The following POLR1D variants were observed in gnomAD, a reference collection of about 807,000 sequenced individuals.
POLR1D encodes the protein RNA polymerase I and III subunit D, also known as DNA-directed RNA polymerases I and III subunit RPAC2.
POLR1D carries 8 observed loss-of-function variants against 10.8 expected under a neutral mutation model. That is an observed-to-expected ratio of 0.74 (90% CI 0.43 to 1.33). POLR1D has a LOEUF of 1.33. Ranked by LOEUF, POLR1D falls within the 40% of genes most tolerant of loss-of-function variation. The pLI, the probability that POLR1D is intolerant of heterozygous loss-of-function variation, is 0.01. For synonymous variants in POLR1D, 54 were observed against 57.2 expected (o/e 0.94, Z 0.25); for missense variants, 152 against 161.7 (o/e 0.94, Z 0.32).
intron 1 of POLR1D, among the ~76,000 whole-genome samples, chr13:27,646,673 C>G (rs1956223408): frequency 6.6e-6 from 1 of 152,054 alleles, no homozygotes; most frequent in Admixed American, 6.5e-5. Flanking sequence ...AAATGAGTTA[C>G]ACAAAAATAA....
intron 1 of POLR1D, among the ~76,000 whole-genome samples, chr13:27,630,761 A>G (rs1472793595): frequency 1.3e-5 from 2 of 152,218 alleles, no homozygotes; most frequent in Non-Finnish European, 2.9e-5. Context: ...ATTGATATAT[A>G]TGGTTGTTGT....
chr13:27,648,142 A>G, intron 1 of POLR1D: 1 of 386,210 alleles, frequency 2.6e-6, no homozygotes, highest in Non-Finnish European at 4.8e-6. Flanking sequence ...TAACTGTCTC[A>G]TATCAAAAAT....
chr13:27,654,237 A>G (rs1956290178), intron 2 of POLR1D, among the ~76,000 whole-genome samples: 1 of 152,210 alleles, frequency 6.6e-6, no homozygotes, highest in African/African-American at 2.4e-5. Flanking sequence ...TTCCTATCCT[A>G]TTACAGTAAA....
intron 1 of POLR1D, among the ~76,000 whole-genome samples, chr13:27,638,652 C>G (rs76120207): frequency 1.3e-5 from 2 of 152,158 alleles, no homozygotes; most frequent in Non-Finnish European, 1.5e-5. Flanking sequence ...GTAGCCTTGA[C>G]ACGCTGAAGA....
In POLR1D at chr13:27,621,963, G is replaced by T. The variant is rs2232680; in HGVS notation, c.-21G>T. On this transcript the variant is annotated 5_prime_UTR_variant, in exon 1 of 2. Coordinates refer to ENST00000302979, the MANE Select transcript of POLR1D (RefSeq NM_015972.4). Reference sequence around the variant, plus strand: ...CCCCGATCCGCCAGCACCACCTGAGGATCCAGAAACCGCCCCAGCGATGGA... The same window carrying T: ...CCCCGATCCGCCAGCACCACCTGAGTATCCAGAAACCGCCCCAGCGATGGA... 2 of 1,590,206 alleles carry T rather than the reference G, an allele frequency of 1.3e-6. No individual in the cohort carries two copies. The highest frequency in any genetic ancestry group is 2.3e-5 in the South Asian group (2 of 87,448).
chr13:27,636,916 T>C (rs1473979498), intron 1 of POLR1D, among the ~76,000 whole-genome samples: 1 of 152,044 alleles, frequency 6.6e-6, no homozygotes, highest in Non-Finnish European at 1.5e-5. Context: ...ACTTAAAGTA[T>C]AGTTTTAATT....
chr13:27,652,562 C>T (rs1254694903), intron 2 of POLR1D, among the ~76,000 whole-genome samples: 3 of 152,284 alleles, frequency 2.0e-5, no homozygotes, highest in African/African-American at 7.2e-5. Flanking sequence ...GGAAGGCACA[C>T]CCCTTTCCTT....
At chr13:27,661,435 C>T (rs917059285) in intron 2 of POLR1D, among the ~76,000 whole-genome samples, 10 of 152,162 alleles carry the variant, frequency 6.6e-5, no homozygotes, top group Admixed American at 1.3e-4. Flanking sequence ...GTGAGAAAGT[C>T]GCCCCCCAGG....
chr13:27,632,647 C>CT (rs397710306), intron 1 of POLR1D, among the ~76,000 whole-genome samples: 1 of 150,766 alleles, frequency 6.6e-6, no homozygotes, highest in Non-Finnish European at 1.5e-5. Flanking sequence ...CAGCACCCCC[C>CT]GCCCCCCAGC....
chr13:27,655,945 A>G (rs1368028727), intron 2 of POLR1D, among the ~76,000 whole-genome samples: 2 of 152,228 alleles, frequency 1.3e-5, no homozygotes, highest in African/African-American at 4.8e-5. Flanking sequence ...CATTGTTCAT[A>G]CTAGTGGAGA....
In POLR1D at chr13:27,665,882, T is replaced by C; in HGVS notation, c.298T>C (p.Ser100Pro). 5.0e-6 allele frequency: 8 copies of C among 1,614,152 alleles called. No individual in the cohort carries two copies. The South Asian group carries it at 7.7e-5, about 16-fold the overall frequency. The change falls in exon 3 of 3, where the codon TCC (serine) becomes CCC (proline). Residue 100 changes from serine (S) to proline (P), a missense_variant. Transcript: ENST00000399697. ...CAAGCACAGCTTCCGCGCTCGAGGTTCCGCCAGTTACTCCCCGCCACGAAA... is the reference window on the plus strand; with the variant it reads ...CAAGCACAGCTTCCGCGCTCGAGGTCCCGCCAGTTACTCCCCGCCACGAAA...
chr13:27,631,452 A>G (rs2138532298), intron 1 of POLR1D, among the ~76,000 whole-genome samples: 1 of 152,270 alleles, frequency 6.6e-6, no homozygotes, highest in Middle Eastern at 3.4e-3. Context: ...TCCAGCCCAC[A>G]CTTGAGAGCG....
chr13:27,664,040 T>C (rs987146369), intron 2 of POLR1D, among the ~76,000 whole-genome samples: 6 of 152,176 alleles, frequency 3.9e-5, no homozygotes, highest in Admixed American at 1.3e-4. Flanking sequence ...TTCTGAATCA[T>C]TGCTGAGTTT....
intron 1 of POLR1D, among the ~76,000 whole-genome samples, chr13:27,644,946 T>C (rs2138551072): frequency 1.3e-5 from 2 of 152,344 alleles, no homozygotes; most frequent in South Asian, 4.1e-4. Context: ...AATAATTCAT[T>C]AATGAGATTT....
chr13:27,622,735 G>A, intron 1 of POLR1D, 140 bp from the exon 2 acceptor site: 1 of 638,706 alleles, frequency 1.6e-6, no homozygotes, highest in Admixed American at 2.8e-5. Context: ...TGTGGAGGCA[G>A]GAAAATGAGA....
At position 27,646,246 on chromosome 13, in the gene POLR1D, T is replaced by C. The variant is rs1294865294; in HGVS notation, c.27-2133T>C. 3.3e-5 allele frequency: 5 copies of C among 152,348 alleles called. No individual in the cohort carries two copies. In the East Asian group the frequency reaches 7.7e-4, roughly 23 times the overall value. The allele number at this position is 152,348 out of a possible 1,614,324, so 9.4% of individuals were successfully genotyped here. A position where few individuals can be genotyped will look rare whatever the true frequency, so the allele number is the denominator to read the frequency against. On this transcript the variant is annotated intron_variant, in intron 1 of 2. Coordinates refer to the POLR1D transcript ENST00000399697. The stretch of plus-strand genomic sequence containing the variant: ...ATGATTTATCTTTTTATTTTAAAAC[T>C]ACCACACTAATTTATGGGAAAGGAA...
intron 1 of POLR1D, among the ~76,000 whole-genome samples, chr13:27,646,867 C>CT (rs1324480420): frequency 6.6e-6 from 1 of 152,054 alleles, no homozygotes; most frequent in East Asian, 1.9e-4. Context: ...TCTTTTTAAA[C>CT]TATGTGCATG....
At chr13:27,622,058 C>T (rs750987447) in intron 1 of POLR1D, 49 bp downstream of exon 1, 6 of 1,536,788 alleles carry the variant, frequency 3.9e-6, no homozygotes, top group Non-Finnish European at 5.3e-6. Context: ...CCAAGGGGAG[C>T]GGGTGGCCGA....
intron 1 of POLR1D, among the ~76,000 whole-genome samples, chr13:27,642,806 G>A (rs1197661855): frequency 6.6e-6 from 1 of 152,172 alleles, no homozygotes; most frequent in Non-Finnish European, 1.5e-5. Flanking sequence ...ACAACCCTGT[G>A]AAGTAATTAT....
Sources: allele counts gnomAD v4.1 joint callset (sites outside exome capture counted in the v4.1 genomes callset), GRCh38; gene constraint gnomAD v4.1.1; transcripts MANE v1.5; gene names NCBI Gene and HGNC (gene_info 2026-07-23, HGNC 2026-07-21).